The following FSCN2 variants were observed in gnomAD, a reference collection of about 807,000 sequenced individuals.
The protein encoded by FSCN2 is fascin actin-bundling protein 2, retinal, also known as fascin-2.
In FSCN2, 46 loss-of-function variants were observed where a neutral mutation model predicts 37.8. The observed-to-expected ratio is 1.22, with a 90% CI of 0.96 to 1.56. FSCN2 has a LOEUF of 1.56. FSCN2 is among the 40% of genes most tolerant of loss of function. FSCN2 has a pLI of 0.00. For synonymous variants in FSCN2, 351 were observed against 309.4 expected, an observed-to-expected ratio of 1.13 and a Z score of -1.41; for missense variants, 844 against 730.4, an observed-to-expected ratio of 1.16 and a Z score of -1.79.
In FSCN2 at chr17:81,528,396, C is replaced by T; in HGVS notation, c.-136C>T. On this transcript the variant is annotated 5_prime_UTR_variant, in exon 1 of 5. Transcript: ENST00000417245. ...CGGGTCAGAGGCGGGTCAGAGCAGG[C>T]AGGGGGTTCGTGACGCCGGCTGGGT... 1 of 664,754 alleles carries T rather than the reference C, an allele frequency of 1.5e-6. No homozygotes were observed. The highest frequency in any genetic ancestry group is 2.6e-6 in the Non-Finnish European group (1 of 388,786). 41.2% of individuals were successfully genotyped at this position (664,754 alleles called of 1,614,324 possible).
the FSCN2 span, among the ~76,000 whole-genome samples, chr17:81,520,962 C>A: frequency 6.6e-6 from 1 of 152,058 alleles, no homozygotes; most frequent in Non-Finnish European, 1.5e-5. Context: ...TAGTTTTTTT[C>A]TTCTGTCTAC....
chr17:81,527,247 A>G (rs1488723485), upstream of FSCN2: 1 of 152,332 alleles, frequency 6.6e-6, no homozygotes, highest in Admixed American at 6.5e-5. Context: ...GCCCAGGAGG[A>G]CAGGGGAGTG....
At chr17:81,530,435 G>A (rs1201475362) in intron 1 of FSCN2, among the ~76,000 whole-genome samples, 1 of 152,192 alleles carries the variant, frequency 6.6e-6, no homozygotes, top group Non-Finnish European at 1.5e-5. Flanking sequence ...TTCCCCACAA[G>A]CTGAGCTCTG....
intron 2 of FSCN2, 63 bp downstream of exon 2, chr17:81,535,271 C>T: frequency 9.2e-7 from 1 of 1,085,442 alleles, no homozygotes; most frequent in Non-Finnish European, 1.3e-6. Context: ...TCCCCATCAT[C>T]ACCATCCCCA....
chr17:81,520,286 T>G, the FSCN2 span, among the ~76,000 whole-genome samples: 1 of 151,914 alleles, frequency 6.6e-6, no homozygotes, highest in South Asian at 2.1e-4. Flanking sequence ...GAGGTGACCC[T>G]GAAGGTGGAG....
chr17:81,529,867 T>C (rs1017717045), intron 1 of FSCN2, among the ~76,000 whole-genome samples: 1 of 152,256 alleles, frequency 6.6e-6, no homozygotes, highest in African/African-American at 2.4e-5. Flanking sequence ...TGGAGCGCAG[T>C]GGCGTGATCT....
chr17:81,526,353 CG>C (rs1555670099), upstream of FSCN2, among the ~76,000 whole-genome samples: 1 of 152,210 alleles, frequency 6.6e-6, no homozygotes, highest in Admixed American at 6.5e-5. Flanking sequence ...AACGGGAGGC[CG>C]GGCGCAGTGG....
the FSCN2 span, among the ~76,000 whole-genome samples, chr17:81,516,166 C>T: frequency 6.6e-6 from 1 of 152,248 alleles, no homozygotes; most frequent in Non-Finnish European, 1.5e-5. Context: ...TCTTCCACCA[C>T]TAAATGAAAC....
At chr17:81,528,057 A>AGGGCT (rs1381218060), upstream of FSCN2, among the ~76,000 whole-genome samples, 3 of 150,662 alleles carry the variant, frequency 2.0e-5, no homozygotes, top group African/African-American at 7.4e-5. Context: ...TACATCCGGA[A>AGGGCT]GGGCTGGGCC....
At chr17:81,532,271 G>A (rs2032689987) in intron 1 of FSCN2, among the ~76,000 whole-genome samples, 1 of 147,916 alleles carries the variant, frequency 6.8e-6, no homozygotes, top group South Asian at 2.1e-4. Flanking sequence ...TGATAGTGAT[G>A]GTGGTGATGG....
chr17:81,521,484 C>T, the FSCN2 span, among the ~76,000 whole-genome samples: 1 of 152,028 alleles, frequency 6.6e-6, no homozygotes, highest in Non-Finnish European at 1.5e-5. Context: ...CCACCTCAGC[C>T]CTCTCCATCC....
upstream of FSCN2, among the ~76,000 whole-genome samples, chr17:81,526,094 GC>G (rs2032341152): frequency 6.6e-6 from 1 of 152,194 alleles, no homozygotes; most frequent in Non-Finnish European, 1.5e-5. Flanking sequence ...CCCACTTAGT[GC>G]CGGGCGGCCA....
In FSCN2 at chr17:81,536,967, C is replaced by A; in HGVS notation, c.1366C>A (p.Arg456Ser). 6.5e-7 allele frequency: 1 copy of A among 1,548,248 alleles called. No individual in the cohort carries two copies. The highest frequency in any genetic ancestry group is 8.7e-7 in the Non-Finnish European group (1 of 1,155,778). ...AEDFVFEFRE[R>S]GRLAIRARSG... ...GGACTTCGTCTTCGAGTTCCGTGAGCGCGGCCGCCTGGCCATCCGCGCCCG... is the reference window on the plus strand; with the variant it reads ...GGACTTCGTCTTCGAGTTCCGTGAGAGCGGCCGCCTGGCCATCCGCGCCCG... The change falls in exon 5 of 5, where the codon CGC (arginine) becomes AGC (serine). Residue 456 changes from arginine (R) to serine (S), a missense_variant. Transcript: ENST00000417245.
rs541648437 is a variant in FSCN2, at chr17:81,534,176, A to C, written c.827-876A>C. 2.0e-5 allele frequency among the ~76,000 whole-genome samples: 3 copies of C among 152,184 alleles called. No homozygotes were observed. In the South Asian group the frequency reaches 6.2e-4, roughly 32 times the overall value. On this transcript the variant is annotated intron_variant, in intron 1 of 4. Coordinates refer to ENST00000417245, the MANE Select transcript of FSCN2 (RefSeq NM_012418.4). ...TGAGGGGCAGCTTTGGGGCTGGCAG[A>C]AGGCAAAAGGTCCCAAGCTGTCTGG... is the stretch of plus-strand genomic sequence containing the variant.
intron 1 of FSCN2, chr17:81,530,489 C>T: frequency 2.4e-6 from 1 of 413,128 alleles, no homozygotes; most frequent in African/African-American, 2.2e-5. Context: ...ACCTGGGCTC[C>T]TGGCTCCATG....
rs751919154 is a variant in FSCN2, at chr17:81,536,266, C to T, written c.1104C>T (p.Val368=). 58 of 1,596,820 alleles carry T rather than the reference C, an allele frequency of 3.6e-5. No individual in the cohort carries two copies. The highest frequency in any genetic ancestry group is 1.2e-4 in the South Asian group (11 of 88,314). The change falls in exon 3 of 5, where the codon GTC becomes GTT. Residue 368 remains valine (V), a splice_region_variant and synonymous_variant. Coordinates refer to ENST00000417245, the MANE Select transcript of FSCN2 (RefSeq NM_012418.4). The stretch of plus-strand genomic sequence containing the variant: ...AGCTGGCGGCTATCAGCGATTTTGT[C>T]GGTGAGCACTCTGCCTGCCAGGTAC... ...NGQLAAISDF[V]GKDEEFTLKL... is the part of the protein sequence containing the mutation.
chr17:81,532,014 G>T (rs1191730326), intron 1 of FSCN2, among the ~76,000 whole-genome samples: 1 of 107,838 alleles, frequency 9.3e-6, no homozygotes, highest in African/African-American at 3.6e-5. Context: ...GATGGTAGTG[G>T]TGGTGATGAT....
At position 81,536,885 on chromosome 17, in the gene FSCN2, A is replaced by G; in HGVS notation, c.1284A>G (p.Gly428=). 1 of 1,572,622 alleles carries G rather than the reference A, an allele frequency of 6.4e-7. No individual in the cohort carries two copies. The highest frequency in any genetic ancestry group is 8.6e-7 in the Non-Finnish European group (1 of 1,158,968). The change falls in exon 5 of 5, where the codon GGA becomes GGG. Residue 428 remains glycine (G), a synonymous_variant. Coordinates refer to ENST00000417245, the MANE Select transcript of FSCN2 (RefSeq NM_012418.4). ...CGTCCCGTCCCCCAGGCCGCGACGG[A>G]GGGTTCTGGTACACGGGCAGCCACG... ...DGAYRIRGRD[G]GFWYTGSHGS...
chr17:81,530,717 G>A (rs1217968020), intron 1 of FSCN2: 2 of 441,114 alleles, frequency 4.5e-6, no homozygotes, highest in African/African-American at 2.1e-5. Context: ...GATGGCAGAG[G>A]CCCCACCCTG....
Sources: allele counts gnomAD v4.1 joint callset (sites outside exome capture counted in the v4.1 genomes callset), GRCh38; gene constraint gnomAD v4.1.1; transcripts MANE v1.5; gene names NCBI Gene and HGNC (gene_info 2026-07-23, HGNC 2026-07-21).